ACOT12: variants seen among roughly 807,000 people sequenced by gnomAD.
ACOT12 encodes acetyl-coenzyme A thioesterase.
ACOT12 carries 51 observed loss-of-function variants against 67.7 expected under a neutral mutation model. The ratio of observed to expected loss-of-function variants is 0.75; its 90% CI spans 0.60 to 0.95. The LOEUF is 0.95. Ranked by LOEUF, ACOT12 falls within the 40% of genes least tolerant of loss-of-function variation. ACOT12 has a pLI of 0.00. For missense variants in ACOT12, 734 were observed against 708.1 expected (o/e 1.04, Z -0.41); for synonymous variants, 251 against 244.6 (o/e 1.03, Z -0.24).
At chr5:81,321,072 A>G in the ACOT12 span, among the ~76,000 whole-genome samples, 1 of 152,298 alleles carries the variant, frequency 6.6e-6, no homozygotes, top group East Asian at 1.9e-4. Context: ...CCTGGGCAAC[A>G]TGGCAAAACC....
At chr5:81,336,109 C>T (rs1006796261) in intron 11 of ACOT12, among the ~76,000 whole-genome samples, 1 of 151,918 alleles carries the variant, frequency 6.6e-6, no homozygotes, top group African/African-American at 2.4e-5. Context: ...GTCCTCTAAA[C>T]AATATGTGAC....
At chr5:81,322,091 A>G in the ACOT12 span, among the ~76,000 whole-genome samples, 1 of 152,216 alleles carries the variant, frequency 6.6e-6, no homozygotes, top group Non-Finnish European at 1.5e-5. Context: ...ACAAATTTAT[A>G]ATAGAATGGG....
chr5:81,373,799 T>C (rs1475207438), intron 2 of ACOT12, among the ~76,000 whole-genome samples: 2 of 152,166 alleles, frequency 1.3e-5, no homozygotes, highest in Non-Finnish European at 2.9e-5. Flanking sequence ...AAGGCTGCTC[T>C]GGCCAGACTG....
At chr5:81,393,897 T>C in intron 1 of ACOT12, 91 bp downstream of exon 1, 1 of 1,231,254 alleles carries the variant, frequency 8.1e-7, no homozygotes, top group Non-Finnish European at 1.0e-6. Context: ...CGCAAGTACC[T>C]TCCTCGCCTT....
rs1456802490 is a variant in ACOT12 at position 81,346,007 on chromosome 5, G to T, written c.654-3C>A. On this transcript the variant is annotated splice_polypyrimidine_tract_variant and splice_region_variant and intron_variant, in intron 6 of 14. Coordinates refer to ENST00000307624, the MANE Select transcript of ACOT12 (RefSeq NM_130767.3). Reference sequence around the variant, plus strand: ...AGGGATGAGCCCAACACAGGCGGCTGGGGAGACAAAGGGAGGGAGAGAGAA... The same window carrying T: ...AGGGATGAGCCCAACACAGGCGGCTTGGGAGACAAAGGGAGGGAGAGAGAA... 1.9e-6 allele frequency: 3 copies of T among 1,613,286 alleles called. No homozygotes were observed. Among genetic ancestry groups the T allele is most frequent in the African/African-American group, 2.7e-5 (2 of 74,990 alleles).
chr5:81,347,774 C>T lies in ACOT12; in HGVS notation c.653G>A (p.Ser218Asn). The T allele has an allele frequency of 6.2e-7, 1 of 1,613,662 alleles. No homozygotes were observed. Among genetic ancestry groups the T allele is most frequent in the Non-Finnish European group, 8.5e-7 (1 of 1,179,818 alleles). The change falls in exon 6 of 15, where the codon AGC becomes AAC. Residue 218 changes from serine (S) to asparagine (N), a missense_variant and splice_region_variant. Transcript: ENST00000307624. Reference protein sequence around the residue: ...WMETVATISASRLCWAHPFLK... With the variant: ...WMETVATISANRLCWAHPFLK... ...TAGGCCGAAGGTCAAAACCAAGAAC[C>T]TTGCAGAAATAGTAGCCACTGTCTC...
At chr5:81,358,268 G>C (rs1759786126) in intron 5 of ACOT12, among the ~76,000 whole-genome samples, 1 of 152,176 alleles carries the variant, frequency 6.6e-6, no homozygotes, top group Admixed American at 6.5e-5. Context: ...AGATTTACTT[G>C]TCATGCATAG....
intron 2 of ACOT12, among the ~76,000 whole-genome samples, chr5:81,381,324 C>T (rs972834554): frequency 6.6e-6 from 1 of 152,110 alleles, no homozygotes; most frequent in Non-Finnish European, 1.5e-5. Context: ...CCACCTCAGC[C>T]TTCCAAAGTG....
chr5:81,315,356 GCTATGACCAGCTTGAGTCTTT>G, the ACOT12 span, among the ~76,000 whole-genome samples: 7 of 152,064 alleles, frequency 4.6e-5, no homozygotes, highest in African/African-American at 1.7e-4. Context: ...TCAGGCATCT[GCTATGACCAGCTTGAGTCTTT>G]CTATGACCAT....
chr5:81,376,700 A>C (rs1358053804), intron 2 of ACOT12, among the ~76,000 whole-genome samples: 1 of 152,222 alleles, frequency 6.6e-6, no homozygotes, highest in Non-Finnish European at 1.5e-5. Flanking sequence ...ATCAGAGAAT[A>C]CTACAAACAC....
rs1425387046 is a variant in ACOT12, at chr5:81,330,283, T to C, written c.*111A>G. The C allele has an allele frequency of 7.9e-7, 1 of 1,258,368 alleles. No homozygotes were observed. Among genetic ancestry groups the C allele is most frequent in the Non-Finnish European group, 1.1e-6 (1 of 930,460 alleles). The allele number at this position is 1,258,368 out of a possible 1,614,324, so 78.0% of individuals were successfully genotyped here. A position where few individuals can be genotyped will look rare whatever the true frequency, so the allele number is the denominator to read the frequency against. On this transcript the variant is annotated 3_prime_UTR_variant, in exon 15 of 15. Transcript: ENST00000307624. ...TTTTAACTCCGTCACTGCATTTTGC[T>C]TAGGGTTATATTAAATTATTTTGTG...
intron 2 of ACOT12, among the ~76,000 whole-genome samples, chr5:81,375,296 G>T (rs1760376803): frequency 6.6e-6 from 1 of 152,136 alleles, no homozygotes; most frequent in Non-Finnish European, 1.5e-5. Flanking sequence ...AATGCTGAGA[G>T]ACACTGTCAC....
rs1270274053 is a variant in ACOT12, at chr5:81,344,167, G to C, written c.973C>G (p.Leu325Val). 2 of 1,613,592 alleles carry C rather than the reference G, an allele frequency of 1.2e-6. No homozygotes were observed. Among genetic ancestry groups the C allele is most frequent in the East Asian group, 4.5e-5 (2 of 44,886 alleles). ...ACACCTTATGTTCCTTACCTGCCTA[G>C]GCGAATTCGCTTGCGTGCAATAGCT... ...RGAIARKRIR[L>V]GRKYVISHKE... The change falls in exon 9 of 15, where the codon CTA becomes GTA. Residue 325 changes from leucine to valine, a missense_variant. Coordinates refer to ENST00000307624, the MANE Select transcript of ACOT12 (RefSeq NM_130767.3).
Position 81,385,811 on chromosome 5 carries a change from C to T in ACOT12, c.143G>A (p.Gly48Glu). The T allele has an allele frequency of 1.2e-6, 2 of 1,613,998 alleles. No individual in the cohort carries two copies. The highest frequency in any genetic ancestry group is 2.7e-5 in the African/African-American group (2 of 75,040). Residue 48 changes from glycine (G) to glutamate (E), a missense_variant, in exon 2 of 15, where the codon GGA (glycine) becomes GAA (glutamate). Gly to Glu is a moderately conservative substitution (Grantham distance 98, BLOSUM62 -2). Coordinates refer to ENST00000307624, the MANE Select transcript of ACOT12 (RefSeq NM_130767.3). ...TACLAAEKHA[G>E]VSCVTASVDD... Reference sequence around the variant, plus strand: ...CACTGAGGCTGTAACGCAGGAAACTCCAGCATGTTTCTCAGCTTCAAAAAA... The same window carrying T: ...CACTGAGGCTGTAACGCAGGAAACTTCAGCATGTTTCTCAGCTTCAAAAAA...
chr5:81,390,108 C>T (rs1760825846), intron 1 of ACOT12, among the ~76,000 whole-genome samples: 2 of 150,608 alleles, frequency 1.3e-5, no homozygotes, highest in Non-Finnish European at 3.0e-5. Context: ...GTACATGCTA[C>T]CATGCCTGGC....
chr5:81,373,321 T>C (rs571962820), intron 2 of ACOT12, among the ~76,000 whole-genome samples: 1 of 152,306 alleles, frequency 6.6e-6, no homozygotes, highest in South Asian at 2.1e-4. Flanking sequence ...CTGTGAGGAA[T>C]GGTGCACTCT....
chr5:81,319,055 A>T, the ACOT12 span, among the ~76,000 whole-genome samples: 1 of 151,932 alleles, frequency 6.6e-6, no homozygotes, highest in Non-Finnish European at 1.5e-5. Context: ...AGAGAATGGG[A>T]ATAGGACAAG....
Position 81,359,934 on chromosome 5 carries a change from G to T in ACOT12, c.465C>A (p.Asn155Lys), listed in dbSNP as rs1369858486. ...ATTTGCTACTTTCCTTCATTAAATTGTTAAAGGTATCTTCATGTTGTAATC... is the reference window on the plus strand; with the variant it reads ...ATTTGCTACTTTCCTTCATTAAATTTTTAAAGGTATCTTCATGTTGTAATC... ...KVRLQHEDTF[N>K]NLMKESSKFD... Residue 155 changes from asparagine to lysine, a missense_variant, in exon 5 of 15, where the codon AAC (asparagine) becomes AAA (lysine). Coordinates refer to ENST00000307624, the MANE Select transcript of ACOT12 (RefSeq NM_130767.3). The T allele has an allele frequency of 6.2e-7, 1 of 1,611,088 alleles. No individual in the cohort carries two copies. The highest frequency in any genetic ancestry group is 1.7e-5 in the Admixed American group (1 of 59,132).
At chr5:81,384,211 G>A (rs954786956) in intron 2 of ACOT12, among the ~76,000 whole-genome samples, 2 of 145,298 alleles carry the variant, frequency 1.4e-5, no homozygotes, top group African/African-American at 5.1e-5. Context: ...TGCAACCTCT[G>A]CCTCCCAGGT....
Sources: allele counts gnomAD v4.1 joint callset (sites outside exome capture counted in the v4.1 genomes callset), GRCh38; gene constraint gnomAD v4.1.1; transcripts MANE v1.5; gene names NCBI Gene and HGNC (gene_info 2026-07-23, HGNC 2026-07-21).